Variants in ZBTB16 observed in about 807,000 individuals in gnomAD.
The protein encoded by ZBTB16 is zinc finger and BTB domain containing 16, also known as zinc finger and BTB domain-containing protein 16.
In ZBTB16, 8 loss-of-function variants were observed where a neutral mutation model predicts 56.8. The observed-to-expected ratio is 0.14, with a 90% confidence interval of 0.08 to 0.25. The LOEUF is 0.25. Ranked by LOEUF, ZBTB16 falls within the 10% of genes least tolerant of loss-of-function variation. ZBTB16 has a pLI of 1.00. For missense variants in ZBTB16, 625 were observed against 903.0 expected, an observed-to-expected ratio of 0.69 and a Z score of 3.95; for synonymous variants, 363 against 368.5, an observed-to-expected ratio of 0.98 and a Z score of 0.17.
chr11:114,065,507 C>T (rs921088452), intron 2 of ZBTB16, among the ~76,000 whole-genome samples: 4 of 152,142 alleles, frequency 2.6e-5, no homozygotes, highest in African/African-American at 9.7e-5. Context: ...ACCTCTGCAT[C>T]CCGGGTTAAG....
intron 4 of ZBTB16, chr11:114,209,772 C>T (rs546380085): frequency 8.1e-4 from 798 of 985,474 alleles, no homozygotes; most frequent in Admixed American, 1.5e-3. Context: ...GAGTACACCA[C>T]AGCCCAGGGA....
At chr11:114,188,199 A>G (rs528492761) in intron 4 of ZBTB16, 6 of 152,544 alleles carry the variant, frequency 3.9e-5, no homozygotes, top group African/African-American at 1.4e-4. Flanking sequence ...AAGGTTGGGG[A>G]CCACTGCTTT....
In ZBTB16 at chr11:114,250,417, G is replaced by A. The variant is rs775950446; in HGVS notation, c.1884G>A (p.Ser628=). ...ACCTGAGAACGCACAACGGCGCCTCGCCCTACCAGTGCACCATCTGCACAG... is the reference window on the plus strand; with the variant it reads ...ACCTGAGAACGCACAACGGCGCCTCACCCTACCAGTGCACCATCTGCACAG... ...IKHLRTHNGA[S]PYQCTICTEY... The change falls in exon 7 of 7, where the codon TCG becomes TCA. Residue 628 remains serine, a synonymous_variant. Coordinates refer to ENST00000335953, the MANE Select transcript of ZBTB16 (RefSeq NM_006006.6). The surrounding 1 kb of genome is among the most constrained non-coding windows in gnomAD (Gnocchi z 6.0). The A allele has an allele frequency of 1.7e-5, 27 of 1,613,942 alleles. No homozygotes were observed. Among genetic ancestry groups the A allele is most frequent in the Admixed American group, 6.7e-5 (4 of 59,994 alleles).
At chr11:114,077,352 A>G (rs2137687440) in intron 2 of ZBTB16, among the ~76,000 whole-genome samples, 1 of 152,222 alleles carries the variant, frequency 6.6e-6, no homozygotes, top group South Asian at 2.1e-4. Context: ...AGGGTTTGAA[A>G]AGATGCCACC....
chr11:114,099,131 A>G (rs1463169705), intron 2 of ZBTB16, among the ~76,000 whole-genome samples: 1 of 152,188 alleles, frequency 6.6e-6, no homozygotes, highest in East Asian at 1.9e-4. Flanking sequence ...CAGTTGAGCA[A>G]TGTTCTGTTT....
chr11:114,247,162 G>T, intron 5 of ZBTB16, 36 bp from the exon 6 acceptor site: 1 of 1,614,170 alleles, frequency 6.2e-7, no homozygotes, highest in Non-Finnish European at 8.5e-7. Flanking sequence ...GGGGCAGGGA[G>T]AGGCAAAGGC....
chr11:114,205,277 G>T (rs1943836329), intron 4 of ZBTB16, among the ~76,000 whole-genome samples: 1 of 152,084 alleles, frequency 6.6e-6, no homozygotes, highest in Non-Finnish European at 1.5e-5. Context: ...GGGCGTAGTG[G>T]TGGGCGCCTG....
intron 4 of ZBTB16, among the ~76,000 whole-genome samples, chr11:114,220,000 A>C (rs990916180): frequency 5.3e-5 from 8 of 152,218 alleles, no homozygotes; most frequent in African/African-American, 1.9e-4. Context: ...CACAGGCATG[A>C]GGCCAGAGCT....
chr11:114,227,176 C>T (rs1944343099), intron 4 of ZBTB16, among the ~76,000 whole-genome samples: 1 of 152,186 alleles, frequency 6.6e-6, no homozygotes, highest in South Asian at 2.1e-4. Flanking sequence ...CGGAGCAGCG[C>T]TGTCCCTGAG....
intron 3 of ZBTB16, among the ~76,000 whole-genome samples, chr11:114,172,750 T>A (rs143880963): frequency 4.7e-4 from 72 of 152,362 alleles, no homozygotes; most frequent in African/African-American, 1.7e-3. Flanking sequence ...GGTCTTCTAA[T>A]TACACCAAAC....
intron 2 of ZBTB16, among the ~76,000 whole-genome samples, chr11:114,155,389 C>T (rs1023780289): frequency 5.9e-5 from 9 of 152,208 alleles, no homozygotes; most frequent in African/African-American, 1.9e-4. Context: ...CTAGCGCACC[C>T]GGTTCCCTGC....
At chr11:114,141,876 A>G (rs1259460522) in intron 2 of ZBTB16, among the ~76,000 whole-genome samples, 1 of 152,274 alleles carries the variant, frequency 6.6e-6, no homozygotes, top group East Asian at 1.9e-4. Flanking sequence ...GAAAATGCGC[A>G]GAATAGTGCC....
At chr11:114,112,013 G>T (rs1196267005) in intron 2 of ZBTB16, among the ~76,000 whole-genome samples, 1 of 151,990 alleles carries the variant, frequency 6.6e-6, no homozygotes, top group Non-Finnish European at 1.5e-5. Flanking sequence ...TTTTGTGGGG[G>T]ATGTATATTG....
At chr11:114,210,024 A>C in intron 4 of ZBTB16, 1 of 950,816 alleles carries the variant, frequency 1.1e-6, no homozygotes. Flanking sequence ...TGGTTTCCTC[A>C]TTGGTAGAAG....
chr11:114,177,261 A>G (rs2135030071), intron 3 of ZBTB16, among the ~76,000 whole-genome samples: 1 of 152,286 alleles, frequency 6.6e-6, no homozygotes, highest in East Asian at 1.9e-4. Context: ...AGAACCTTAA[A>G]GCCGTCTCTG....
At chr11:114,130,616 A>T (rs1273474243) in intron 2 of ZBTB16, among the ~76,000 whole-genome samples, 2 of 152,224 alleles carry the variant, frequency 1.3e-5, no homozygotes, top group Non-Finnish European at 2.9e-5. Flanking sequence ...AGTGGCTTTT[A>T]TTAGCGAGCT....
In ZBTB16 at chr11:114,144,177, G is replaced by GACACACAC. The variant is rs56679355; in HGVS notation, c.1269-12131_1269-12124dup. 1.4e-3 allele frequency among the ~76,000 whole-genome samples: 197 copies of GACACACAC among 145,064 alleles called. 1 individual carries two copies. Among genetic ancestry groups the GACACACAC allele is most frequent in the South Asian group, 2.0e-3 (9 of 4,464 alleles). On this transcript the variant is annotated intron_variant, in intron 2 of 6. Coordinates refer to ENST00000335953, the MANE Select transcript of ZBTB16 (RefSeq NM_006006.6). ...CTTTCTCTGGCCTGTGTGTTTGCCAGACACACACACACACACACACACACA... is the reference window on the plus strand; with the variant it reads ...CTTTCTCTGGCCTGTGTGTTTGCCAGACACACACACACACACACACACACACACACACA...
intron 2 of ZBTB16, among the ~76,000 whole-genome samples, chr11:114,139,158 T>A (rs1039820529): frequency 6.6e-6 from 1 of 152,232 alleles, no homozygotes; most frequent in Admixed American, 6.5e-5. Context: ...AATGGACATC[T>A]AGGAACAGAG....
chr11:114,153,579 G>A (rs761668479), intron 2 of ZBTB16, among the ~76,000 whole-genome samples: 4 of 152,202 alleles, frequency 2.6e-5, no homozygotes, highest in South Asian at 2.1e-4. Flanking sequence ...AGTGAGTAAA[G>A]GAGGAAACTC....
Sources: allele counts gnomAD v4.1 joint callset (sites outside exome capture counted in the v4.1 genomes callset), GRCh38; gene constraint gnomAD v4.1.1; non-coding constraint Gnocchi (gnomAD v3.1); transcripts MANE v1.5; gene names NCBI Gene and HGNC (gene_info 2026-07-23, HGNC 2026-07-21).